PEX3: variants seen among roughly 807,000 people sequenced by gnomAD.
The protein encoded by PEX3 is peroxisomal biogenesis factor 3.
Under a neutral mutation model 55.8 loss-of-function variants are expected in PEX3, and 30 were observed. The ratio of observed to expected loss-of-function variants is 0.54; its 90% CI spans 0.40 to 0.73. PEX3 has a LOEUF of 0.73. Ranked by LOEUF, PEX3 falls within the 30% of genes least tolerant of loss-of-function variation. The pLI is 0.00. For synonymous variants in PEX3, 135 were observed against 148.4 expected (o/e 0.91, Z 0.66); for missense variants, 351 against 432.8 (o/e 0.81, Z 1.68).
chr6:143,460,725 G>A (rs1202466179), intron 2 of PEX3, among the ~76,000 whole-genome samples: 2 of 151,978 alleles, frequency 1.3e-5, no homozygotes, highest in East Asian at 1.9e-4. Context: ...TTAGCCGGGC[G>A]TGGTGTTGCA....
chr6:143,453,855 G>A lies in PEX3; in HGVS notation c.73+2740G>A, dbSNP rs1213374536. ...AGCCTCCTAAAGTGCTGGAATTACA[G>A]GCATGAGCCACTGAGCCTGGCATAA... On this transcript the variant is annotated intron_variant, in intron 1 of 11. Coordinates refer to ENST00000367591, the MANE Select transcript of PEX3 (RefSeq NM_003630.3). The surrounding 1 kb of genome is among the most constrained non-coding windows in gnomAD (Gnocchi z 4.6). Among the ~76,000 whole-genome samples, 3 of 152,098 alleles carry A rather than the reference G, an allele frequency of 2.0e-5. No individual in the cohort carries two copies. Among genetic ancestry groups the A allele is most frequent in the East Asian group, 3.9e-4 (2 of 5,190 alleles).
Position 143,450,953 on chromosome 6 carries a change from G to C in PEX3, c.-90G>C. On this transcript the variant is annotated 5_prime_UTR_variant, in exon 1 of 12. Coordinates refer to ENST00000367591, the MANE Select transcript of PEX3 (RefSeq NM_003630.3). ...CACAGAACGGGACGACGGCGCTCTT[G>C]CTGGGTCATCTGGGCCAGGTGACGA... 1.0e-6 allele frequency: 1 copy of C among 985,684 alleles called. No individual in the cohort carries two copies. The highest frequency in any genetic ancestry group is 1.7e-6 in the Non-Finnish European group (1 of 605,710). 61.1% of individuals were successfully genotyped at this position (985,684 alleles called of 1,614,324 possible).
At position 143,451,687 on chromosome 6, in the gene PEX3, G is replaced by A. The variant is rs561527082; in HGVS notation, c.73+572G>A. 1.3e-5 allele frequency among the ~76,000 whole-genome samples: 2 copies of A among 152,304 alleles called. No individual in the cohort carries two copies. Among genetic ancestry groups the A allele is most frequent in the South Asian group, 4.1e-4 (2 of 4,826 alleles). ...CTGCCATTTTAGAATACAAACTATG[G>A]CAGTAAGAAAAATGCTTGAGGGATG... On this transcript the variant is annotated intron_variant, in intron 1 of 11. Coordinates refer to ENST00000367591, the MANE Select transcript of PEX3 (RefSeq NM_003630.3). This position sits in a 1 kb window ranked among gnomAD's most constrained non-coding sequence, Gnocchi z 4.1.
At chr6:143,457,335 T>C (rs1295481879) in intron 1 of PEX3, among the ~76,000 whole-genome samples, 2 of 152,236 alleles carry the variant, frequency 1.3e-5, no homozygotes, top group Non-Finnish European at 2.9e-5. Context: ...TAGCCACTTA[T>C]ATGAACTCTC....
chr6:143,483,043 T>C lies in PEX3; in HGVS notation c.942-2109T>C, dbSNP rs193106304. Among the ~76,000 whole-genome samples the C allele has an allele frequency of 3.3e-5, 5 of 152,234 alleles. No individual in the cohort carries two copies. The highest frequency in any genetic ancestry group is 9.6e-5 in the African/African-American group (4 of 41,564). Reference sequence around the variant, plus strand: ...TGTTTGCTCTCTTTATGTATATATATCATCCATGAGTGTAATGACATTATA... The same window carrying C: ...TGTTTGCTCTCTTTATGTATATATACCATCCATGAGTGTAATGACATTATA... On this transcript the variant is annotated intron_variant, in intron 10 of 11. Coordinates refer to ENST00000367591, the MANE Select transcript of PEX3 (RefSeq NM_003630.3). This position sits in a 1 kb window ranked among gnomAD's most constrained non-coding sequence, Gnocchi z 4.3.
chr6:143,456,693 T>C (rs1471581890), intron 1 of PEX3, among the ~76,000 whole-genome samples: 1 of 152,204 alleles, frequency 6.6e-6, no homozygotes, highest in Non-Finnish European at 1.5e-5. Context: ...TCTTATTGAA[T>C]TAGGACCCAC....
intron 4 of PEX3, among the ~76,000 whole-genome samples, chr6:143,469,022 G>A (rs1780034273): frequency 6.6e-6 from 1 of 152,078 alleles, no homozygotes; most frequent in African/African-American, 2.4e-5. Flanking sequence ...TTTTGGGGCT[G>A]CATAGTATTC....
At position 143,463,917 on chromosome 6, in the gene PEX3, CACTT is replaced by C. The variant is rs1302860382; in HGVS notation, c.287+924_287+927del. On this transcript the variant is annotated intron_variant, in intron 3 of 11. Coordinates refer to ENST00000367591, the MANE Select transcript of PEX3 (RefSeq NM_003630.3). This position sits in a 1 kb window ranked among gnomAD's most constrained non-coding sequence, Gnocchi z 5.7. ...AACAAGTGGGGAATTTTTTTAAAAA[CACTT>C]ACTATATTCAGAGAATACTTCCCAA... 6.6e-6 allele frequency among the ~76,000 whole-genome samples: 1 copy of C among 152,072 alleles called. No homozygotes were observed. Among genetic ancestry groups the C allele is most frequent in the Admixed American group, 6.5e-5 (1 of 15,270 alleles).
Position 143,465,763 on chromosome 6 carries a change from A to G in PEX3, c.288-2359A>G, listed in dbSNP as rs995019602. ...AGCAGTGTCTTGCATGAGTTACTCA[A>G]CACATTTTCTGAACCTGTGCCATCT... On this transcript the variant is annotated intron_variant, in intron 3 of 11. Transcript: ENST00000367591. This position sits in a 1 kb window ranked among gnomAD's most constrained non-coding sequence, Gnocchi z 4.7. Among the ~76,000 whole-genome samples the G allele has an allele frequency of 1.3e-5, 2 of 152,034 alleles. No individual in the cohort carries two copies. The highest frequency in any genetic ancestry group is 2.9e-5 in the Non-Finnish European group (2 of 67,904).
intron 8 of PEX3, among the ~76,000 whole-genome samples, chr6:143,473,415 A>G (rs1021188457): frequency 4.6e-5 from 7 of 152,226 alleles, no homozygotes; most frequent in African/African-American, 1.7e-4. Context: ...AGGACTCTAA[A>G]GTAATTTACA....
rs755446619 is a variant in PEX3 at position 143,486,202 on chromosome 6, A to G, written c.1038+954A>G. Among the ~76,000 whole-genome samples the G allele has an allele frequency of 1.2e-4, 18 of 152,168 alleles. No individual in the cohort carries two copies. Among genetic ancestry groups the G allele is most frequent in the Non-Finnish European group, 1.8e-4 (12 of 68,012 alleles). ...GCTTGGCACTCATATTGCAGAAGAA[A>G]TAGTGAATAAGACTGATCTCATTTT... is the stretch of plus-strand genomic sequence containing the variant. On this transcript the variant is annotated intron_variant, in intron 11 of 11. Coordinates refer to ENST00000367591, the MANE Select transcript of PEX3 (RefSeq NM_003630.3). The surrounding 1 kb of genome is among the most constrained non-coding windows in gnomAD (Gnocchi z 5.0).
chr6:143,452,638 G>A (rs1041994788), intron 1 of PEX3, among the ~76,000 whole-genome samples: 8 of 152,078 alleles, frequency 5.3e-5, no homozygotes, highest in Non-Finnish European at 1.0e-4. Flanking sequence ...AAATAGAAAA[G>A]TTCAGACGGC....
intron 8 of PEX3, among the ~76,000 whole-genome samples, chr6:143,473,308 A>T (rs887040955): frequency 4.6e-5 from 7 of 152,340 alleles, no homozygotes; most frequent in African/African-American, 1.7e-4. Flanking sequence ...GACTAAACTG[A>T]TCAAACAGAA....
intron 1 of PEX3, among the ~76,000 whole-genome samples, chr6:143,455,359 A>ATTTTTTTTTTTTTTTT (rs56788350): frequency 2.8e-5 from 2 of 71,968 alleles, no homozygotes; most frequent in African/African-American, 4.7e-5. Flanking sequence ...CGCCCGGCTA[A>ATTTTTTTTTTTTTTTT]TTTTTTTTTT....
chr6:143,468,144 TG>T lies in PEX3; in HGVS notation c.313del (p.Glu105ArgfsTer3). On this transcript the variant is annotated frameshift_variant, in exon 4 of 12. Coordinates refer to ENST00000367591, the MANE Select transcript of PEX3 (RefSeq NM_003630.3). LOFTEE classifies it high-confidence loss of function. ...KNRPSNKLEI[W>X]EDLKIISFTR... ...TAGGCCTTCAAACAAGCTAGAAATA[TG>T]GGAGGATCTGAAGATAATAAGTAAG... The T allele has an allele frequency of 6.3e-7, 1 of 1,584,162 alleles. No homozygotes were observed. The highest frequency in any genetic ancestry group is 8.7e-7 in the Non-Finnish European group (1 of 1,153,928).
intron 8 of PEX3, among the ~76,000 whole-genome samples, chr6:143,474,445 C>T (rs1435913834): frequency 2.1e-5 from 3 of 145,754 alleles, no homozygotes; most frequent in South Asian, 2.2e-4. Context: ...GGCGACAGAG[C>T]GAGACTCCGT....
Position 143,482,383 on chromosome 6 carries a change from CTT to C in PEX3, c.942-2767_942-2766del. ...GCTATTGTTATATGAAGGGGACAGA[CTT>C]TATACTTAGAAACCCAAGAGAGTCA... On this transcript the variant is annotated intron_variant, in intron 10 of 11. Transcript: ENST00000367591. This position sits in a 1 kb window ranked among gnomAD's most constrained non-coding sequence, Gnocchi z 5.5. Among the ~76,000 whole-genome samples the C allele has an allele frequency of 6.6e-6, 1 of 152,110 alleles. No individual in the cohort carries two copies. Among genetic ancestry groups the C allele is most frequent in the African/African-American group, 2.4e-5 (1 of 41,526 alleles).
At position 143,454,111 on chromosome 6, in the gene PEX3, CATT is replaced by C. The variant is rs1201014107; in HGVS notation, c.73+2997_73+2999del. Among the ~76,000 whole-genome samples, 8 of 152,174 alleles carry C rather than the reference CATT, an allele frequency of 5.3e-5. No homozygotes were observed. The highest frequency in any genetic ancestry group is 1.9e-4 in the African/African-American group (8 of 41,528). On this transcript the variant is annotated intron_variant, in intron 1 of 11. Coordinates refer to ENST00000367591, the MANE Select transcript of PEX3 (RefSeq NM_003630.3). The surrounding 1 kb of genome is among the most constrained non-coding windows in gnomAD (Gnocchi z 4.3). ...ACATTTTCAAAAAATTAATGAGTGT[CATT>C]GTTTTACATTTTGCAAATCTTTTTA...
At position 143,471,646 on chromosome 6, in the gene PEX3, G is replaced by A; in HGVS notation, c.578+35G>A. 1 of 1,454,870 alleles carries A rather than the reference G, an allele frequency of 6.9e-7. No individual in the cohort carries two copies. Among genetic ancestry groups the A allele is most frequent in the South Asian group, 1.1e-5 (1 of 87,944 alleles). The allele number at this position is 1,454,870 out of a possible 1,614,324, so 90.1% of individuals were successfully genotyped here. On this transcript the variant is annotated intron_variant, in intron 7 of 11. Transcript: ENST00000367591. The surrounding 1 kb of genome is among the most constrained non-coding windows in gnomAD (Gnocchi z 5.4). ...TTTTCTTTGACTTTTCTGACTTCTT[G>A]ATTCTAATGAGTGAAAGAAAATTAG...
Sources: allele counts gnomAD v4.1 joint callset (sites outside exome capture counted in the v4.1 genomes callset), GRCh38; gene constraint gnomAD v4.1.1; non-coding constraint Gnocchi (gnomAD v3.1); transcripts MANE v1.5; gene names NCBI Gene and HGNC (gene_info 2026-07-23, HGNC 2026-07-21).